RTN4RL2: variants seen among roughly 807,000 people sequenced by gnomAD.
RTN4RL2 encodes reticulon 4 receptor like 2, also known as reticulon-4 receptor-like 2.
Under a neutral mutation model 27.8 loss-of-function variants are expected in RTN4RL2, and 9 were observed. That is an observed-to-expected ratio of 0.32 (90% CI 0.20 to 0.57). The LOEUF (loss-of-function observed/expected upper bound fraction) is 0.57. Ranked by LOEUF, RTN4RL2 falls within the 20% of genes least tolerant of loss-of-function variation. RTN4RL2 has a pLI of 0.90. For missense variants in RTN4RL2, 436 were observed against 596.8 expected (o/e 0.73, Z 2.81); for synonymous variants, 285 against 297.9 (o/e 0.96, Z 0.45).
chr11:57,470,831 G>A (rs2135121206), intron 2 of RTN4RL2, among the ~76,000 whole-genome samples: 1 of 152,238 alleles, frequency 6.6e-6, no homozygotes, highest in African/African-American at 2.4e-5. Flanking sequence ...CTTTAAGCAG[G>A]TTGCTAACCC....
At chr11:57,474,504 C>T (rs1253992020) in intron 2 of RTN4RL2, among the ~76,000 whole-genome samples, 1 of 152,094 alleles carries the variant, frequency 6.6e-6, no homozygotes, top group South Asian at 2.1e-4. Context: ...GGGAACAGGC[C>T]CCCTGGGTGA....
intron 1 of RTN4RL2, among the ~76,000 whole-genome samples, chr11:57,464,270 C>G (rs1229720131): frequency 2.0e-5 from 3 of 152,198 alleles, no homozygotes; most frequent in Non-Finnish European, 4.4e-5. Flanking sequence ...CCCTTGCCAG[C>G]TCCTGCAGAG....
intron 1 of RTN4RL2, among the ~76,000 whole-genome samples, chr11:57,461,478 A>T (rs1043288968): frequency 7.9e-5 from 12 of 151,178 alleles, no homozygotes; most frequent in Admixed American, 6.6e-4. Context: ...GATAGGAAGG[A>T]GAACTCAAAG....
In RTN4RL2 at chr11:57,460,632, C is replaced by T. The variant is rs1441895543; in HGVS notation, c.-234C>T. On this transcript the variant is annotated 5_prime_UTR_variant, in exon 1 of 3. Coordinates refer to ENST00000335099, the MANE Select transcript of RTN4RL2 (RefSeq NM_178570.3). The stretch of plus-strand genomic sequence containing the variant: ...GCGGGCGCTGGGCGTCGACGGCCAG[C>T]CCCAGCCTTCCCCGCCCCGTCGCGC... 1 of 206,898 alleles carries T rather than the reference C, an allele frequency of 4.8e-6. No individual in the cohort carries two copies. Among genetic ancestry groups the T allele is most frequent in the Non-Finnish European group, 9.6e-6 (1 of 104,706 alleles). The allele number at this position is 206,898 out of a possible 1,614,324, so 12.8% of individuals were successfully genotyped here.
In RTN4RL2 at chr11:57,467,615, C is replaced by T. The variant is rs1237736658; in HGVS notation, c.38C>T (p.Ala13Val). 1 of 1,605,716 alleles carries T rather than the reference C, an allele frequency of 6.2e-7. No homozygotes were observed. The highest frequency in any genetic ancestry group is 1.7e-5 in the Admixed American group (1 of 59,560). The change falls in exon 2 of 3, where the codon GCC becomes GTC. Residue 13 changes from alanine (A) to valine (V), a missense_variant. Ala to Val is a moderately conservative substitution (Grantham distance 64, BLOSUM62 0). Around this residue, in one of 3 missense-constraint regions of RTN4RL2, gnomAD observed 365 missense variants for 530.5 expected, o/e 0.69. Transcript: ENST00000335099. This position sits in a 1 kb window ranked among gnomAD's most constrained non-coding sequence, Gnocchi z 5.5. ...CTGCTTCCCCTCCCCACAGCTCCCG[C>T]CTCGGCCTGCCTCCTGCTGATGCTC... Reference protein sequence around the residue: ...PGLRRLLQAPASACLLLMLLA... With the variant: ...PGLRRLLQAPVSACLLLMLLA...
At chr11:57,474,099 T>G (rs943827729) in intron 2 of RTN4RL2, among the ~76,000 whole-genome samples, 2 of 152,144 alleles carry the variant, frequency 1.3e-5, no homozygotes, top group African/African-American at 4.8e-5. Flanking sequence ...ACCCCCTGGA[T>G]GGGCCTGGAA....
chr11:57,476,508 C>T lies in RTN4RL2; in HGVS notation c.860C>T (p.Thr287Ile). 1 of 1,476,708 alleles carries T rather than the reference C, an allele frequency of 6.8e-7. No homozygotes were observed. The highest frequency in any genetic ancestry group is 8.9e-7 in the Non-Finnish European group (1 of 1,124,236). 91.5% of individuals were successfully genotyped at this position (1,476,708 alleles called of 1,614,324 possible). ...QRARVSSSDV[T>I]CATPPERQGR... ...GCGCGCGTGTCCAGCTCCGACGTGA[C>T]CTGCGCCACCCCCCCGGAGCGCCAG... Residue 287 changes from threonine to isoleucine, a missense_variant, in exon 3 of 3, where the codon ACC (threonine) becomes ATC (isoleucine). By Grantham distance (89) the Thr-to-Ile change is moderately conservative. Around this residue, in one of 3 missense-constraint regions of RTN4RL2, gnomAD observed 365 missense variants for 530.5 expected, o/e 0.69. Coordinates refer to ENST00000335099, the MANE Select transcript of RTN4RL2 (RefSeq NM_178570.3). The surrounding 1 kb of genome is among the most constrained non-coding windows in gnomAD (Gnocchi z 8.2).
intron 2 of RTN4RL2, among the ~76,000 whole-genome samples, chr11:57,469,234 G>A (rs1158455904): frequency 6.6e-6 from 1 of 152,210 alleles, no homozygotes; most frequent in Admixed American, 6.5e-5. Context: ...GAACAGAACA[G>A]ACCAAACCCC....
chr11:57,473,276 T>C (rs1321232836), intron 2 of RTN4RL2, among the ~76,000 whole-genome samples: 4 of 152,162 alleles, frequency 2.6e-5, no homozygotes, highest in Non-Finnish European at 4.4e-5. Context: ...AAAGATCACC[T>C]ATCCTAAGTC....
Position 57,476,965 on chromosome 11 carries a change from C to T in RTN4RL2, c.*54C>T, listed in dbSNP as rs1943602113. On this transcript the variant is annotated 3_prime_UTR_variant, in exon 3 of 3. Coordinates refer to ENST00000335099, the MANE Select transcript of RTN4RL2 (RefSeq NM_178570.3). The surrounding 1 kb of genome is among the most constrained non-coding windows in gnomAD (Gnocchi z 8.2). ...GTCCGATCCCCGCTTCCCGTCCACC[C>T]GGGGCTGCGGCTCCGGCCCCAGTCG... 3 of 1,486,278 alleles carry T rather than the reference C, an allele frequency of 2.0e-6. No homozygotes were observed. The highest frequency in any genetic ancestry group is 1.8e-6 in the Non-Finnish European group (2 of 1,123,456). The allele number at this position is 1,486,278 out of a possible 1,614,324, so 92.1% of individuals were successfully genotyped here. A position where few individuals can be genotyped will look rare whatever the true frequency, so the allele number is the denominator to read the frequency against.
chr11:57,462,101 G>T (rs1455946578), intron 1 of RTN4RL2, among the ~76,000 whole-genome samples: 4 of 152,028 alleles, frequency 2.6e-5, no homozygotes, highest in African/African-American at 4.8e-5. Context: ...TTTGGAAGGG[G>T]AGTGACAGCC....
intron 2 of RTN4RL2, among the ~76,000 whole-genome samples, chr11:57,469,222 G>A (rs1221437179): frequency 6.6e-6 from 1 of 152,194 alleles, no homozygotes; most frequent in Non-Finnish European, 1.5e-5. Flanking sequence ...GAATACAGTA[G>A]TGAACAGAAC....
At chr11:57,470,437 G>A (rs750375611) in intron 2 of RTN4RL2, among the ~76,000 whole-genome samples, 9 of 151,902 alleles carry the variant, frequency 5.9e-5, no homozygotes, top group South Asian at 2.1e-4. Context: ...TAGTAGAGAC[G>A]GGTTTCACCA....
At chr11:57,474,580 G>A (rs1456504485) in intron 2 of RTN4RL2, among the ~76,000 whole-genome samples, 2 of 152,214 alleles carry the variant, frequency 1.3e-5, no homozygotes, top group Non-Finnish European at 2.9e-5. Flanking sequence ...GCTGACCACA[G>A]TGATGCCCTG....
chr11:57,466,375 CAG>C (rs1212773217), intron 1 of RTN4RL2, among the ~76,000 whole-genome samples: 1 of 152,156 alleles, frequency 6.6e-6, no homozygotes, highest in Non-Finnish European at 1.5e-5. Context: ...GAAGCTGAGG[CAG>C]GAGGATTGCT....
chr11:57,461,162 G>T (rs1269845987), intron 1 of RTN4RL2, among the ~76,000 whole-genome samples: 3 of 152,094 alleles, frequency 2.0e-5, no homozygotes, highest in Non-Finnish European at 4.4e-5. Flanking sequence ...GGGGAGGGAG[G>T]CTCAGGTTCC....
At chr11:57,466,378 G>A (rs1277091685) in intron 1 of RTN4RL2, among the ~76,000 whole-genome samples, 1 of 152,216 alleles carries the variant, frequency 6.6e-6, no homozygotes, top group Non-Finnish European at 1.5e-5. Context: ...GCTGAGGCAG[G>A]AGGATTGCTT....
chr11:57,470,847 G>C (rs2135121214), intron 2 of RTN4RL2, among the ~76,000 whole-genome samples: 1 of 152,238 alleles, frequency 6.6e-6, no homozygotes, highest in East Asian at 1.9e-4. Context: ...AACCCTCTCT[G>C]AACCTCACTT....
Position 57,476,824 on chromosome 11 carries a change from G to A in RTN4RL2, c.1176G>A (p.Ala392=). 1.3e-6 allele frequency: 2 copies of A among 1,550,372 alleles called. No individual in the cohort carries two copies. Among genetic ancestry groups the A allele is most frequent in the Non-Finnish European group, 1.7e-6 (2 of 1,154,908 alleles). Residue 392 remains alanine, a synonymous_variant, in exon 3 of 3, where the codon GCG becomes GCA. Coordinates refer to ENST00000335099, the MANE Select transcript of RTN4RL2 (RefSeq NM_178570.3). The surrounding 1 kb of genome is among the most constrained non-coding windows in gnomAD (Gnocchi z 8.2). ...EQMCPGAACQ[A]PPDSRGPALS... is the part of the protein sequence containing the mutation. ...TGTGCCCCGGCGCTGCCTGCCAGGC[G>A]CCCCCGGACTCCCGAGGCCCTGCGC...
Sources: allele counts gnomAD v4.1 joint callset (sites outside exome capture counted in the v4.1 genomes callset), GRCh38; gene constraint gnomAD v4.1.1; regional missense constraint gnomAD v4.1.1; non-coding constraint Gnocchi (gnomAD v3.1); transcripts MANE v1.5; gene names NCBI Gene and HGNC (gene_info 2026-07-23, HGNC 2026-07-21).